IPMK: variants seen among roughly 807,000 people sequenced by gnomAD.
The protein encoded by IPMK is inositol 1,3,4,6-tetrakisphosphate 5-kinase.
Under a neutral mutation model 45.8 loss-of-function variants are expected in IPMK, and 17 were observed. That is an observed-to-expected ratio of 0.37 (90% CI 0.25 to 0.56). The LOEUF (loss-of-function observed/expected upper bound fraction) is 0.56, where lower values mean the gene tolerates loss of function less well. Ranked by LOEUF, IPMK falls within the 20% of genes least tolerant of loss-of-function variation. IPMK has a pLI of 0.79. For missense variants in IPMK, 399 were observed against 498.0 expected (o/e 0.80, Z 1.89); for synonymous variants, 180 against 184.3 (o/e 0.98, Z 0.19).
rs907949538 is a variant in IPMK, at chr10:58,216,252, T to C, written c.439A>G (p.Ile147Val). ...FNKPCIMDVK[I>V]GQKSYDPFAS... ...AAAGGATCATAGCTTTTTTGCCCTATCTTTACATCCATTATACAGGGCTTA... is the reference window on the plus strand; with the variant it reads ...AAAGGATCATAGCTTTTTTGCCCTACCTTTACATCCATTATACAGGGCTTA... The change falls in exon 4 of 6, where the codon ATA becomes GTA. Residue 147 changes from isoleucine (I) to valine (V), a missense_variant. This residue lies in a region of IPMK where 288 missense variants were observed against 398.0 expected (regional missense o/e 0.72). Transcript: ENST00000373935. 1 of 1,610,396 alleles carries C rather than the reference T, an allele frequency of 6.2e-7. No individual in the cohort carries two copies. The highest frequency in any genetic ancestry group is 2.2e-5 in the East Asian group (1 of 44,698).
intron 1 of IPMK, among the ~76,000 whole-genome samples, chr10:58,261,269 GT>G (rs1839062188): frequency 2.0e-5 from 3 of 150,910 alleles, no homozygotes; most frequent in African/African-American, 7.3e-5. Context: ...ATTTAATTCT[GT>G]AAAAAGAAAC....
Position 58,267,615 on chromosome 10 carries a change from G to A in IPMK, c.-4C>T, listed in dbSNP as rs766775547. On this transcript the variant is annotated 5_prime_UTR_variant, in exon 1 of 6. Transcript: ENST00000373935. ...GGGATGGTGGCTCTGTTGCCATAAC[G>A]GAGAGCAGAAGCGGTAACGGCAGCG... 6.9e-6 allele frequency: 11 copies of A among 1,587,624 alleles called. No individual in the cohort carries two copies. In the Admixed American group the frequency reaches 1.9e-4, roughly 28 times the overall value.
chr10:58,224,300 A>G (rs1433035593), intron 3 of IPMK, among the ~76,000 whole-genome samples: 1 of 152,214 alleles, frequency 6.6e-6, no homozygotes, highest in Non-Finnish European at 1.5e-5. Context: ...ATACTTTTCT[A>G]TCCCTCCAAA....
At chr10:58,233,782 C>T (rs1838564209) in intron 2 of IPMK, among the ~76,000 whole-genome samples, 1 of 152,164 alleles carries the variant, frequency 6.6e-6, no homozygotes, top group Non-Finnish European at 1.5e-5. Context: ...CCTCTCTCAC[C>T]ACTCAATTCA....
Position 58,239,080 on chromosome 10 carries a change from T to C in IPMK, c.191-1266A>G, listed in dbSNP as rs562687041. Among the ~76,000 whole-genome samples the C allele has an allele frequency of 2.0e-5, 3 of 152,234 alleles. No individual in the cohort carries two copies. In the East Asian group the frequency reaches 5.8e-4, roughly 29 times the overall value. ...GGGAAGATGGCTTGAGCCCAGGAGT[T>C]TGAGGCTGCAATTAGCTATGATCAG... On this transcript the variant is annotated intron_variant, in intron 1 of 5. Transcript: ENST00000373935.
At chr10:58,206,322 C>T (rs377480166) in intron 4 of IPMK, among the ~76,000 whole-genome samples, 36 of 152,236 alleles carry the variant, frequency 2.4e-4, no homozygotes, top group African/African-American at 7.2e-4. Context: ...TTGGTAGGGA[C>T]TGCTAATGTG....
Position 58,267,758 on chromosome 10 carries a change from G to C in IPMK, c.-147C>G. ...GCTGGTGCCCTCTGAAGCGCGGGGAGGGGGCCCATGACGCCGCCGGGGCGC... is the reference window on the plus strand; with the variant it reads ...GCTGGTGCCCTCTGAAGCGCGGGGACGGGGCCCATGACGCCGCCGGGGCGC... On this transcript the variant is annotated 5_prime_UTR_variant, in exon 1 of 6. Transcript: ENST00000373935. 1.7e-6 allele frequency: 1 copy of C among 577,426 alleles called. No individual in the cohort carries two copies. The highest frequency in any genetic ancestry group is 2.1e-5 in the South Asian group (1 of 47,362). 35.8% of individuals were successfully genotyped at this position (577,426 alleles called of 1,614,324 possible).
intron 3 of IPMK, among the ~76,000 whole-genome samples, chr10:58,217,436 C>A (rs1028360829): frequency 2.6e-5 from 4 of 151,600 alleles, no homozygotes; most frequent in African/African-American, 9.7e-5. Flanking sequence ...CGCCTGTAAT[C>A]CCAGCACTTT....
intron 1 of IPMK, among the ~76,000 whole-genome samples, chr10:58,252,705 C>T (rs370085947): frequency 1.5e-4 from 22 of 150,862 alleles, no homozygotes; most frequent in African/African-American, 2.7e-4. Context: ...CTCCACCTTC[C>T]GGGTTCAAGT....
rs1383866650 is a variant in IPMK at position 58,192,058 on chromosome 10, AAAT to A, written c.*4015_*4017del. Reference sequence around the variant, plus strand: ...CCTATAGTGACTTGTTTACTTGCATAAATAATATTTTCACTTAGTACAGGCTAT... The same window carrying A: ...CCTATAGTGACTTGTTTACTTGCATAAATATTTTCACTTAGTACAGGCTAT... On this transcript the variant is annotated 3_prime_UTR_variant, in exon 6 of 6. Coordinates refer to ENST00000373935, the MANE Select transcript of IPMK (RefSeq NM_152230.5). 5.3e-5 allele frequency: 8 copies of A among 152,086 alleles called. No homozygotes were observed. The highest frequency in any genetic ancestry group is 1.9e-4 in the African/African-American group (8 of 41,464). The allele number at this position is 152,086 out of a possible 1,614,324, so 9.4% of individuals were successfully genotyped here.
At chr10:58,258,250 C>T (rs1159451705) in intron 1 of IPMK, among the ~76,000 whole-genome samples, 1 of 152,142 alleles carries the variant, frequency 6.6e-6, no homozygotes, top group Non-Finnish European at 1.5e-5. Flanking sequence ...GTGGAGGTTG[C>T]AGTGAGCCAA....
In IPMK at chr10:58,221,363, A is replaced by T. The variant is rs1564531802; in HGVS notation, c.374-5046T>A. Among the ~76,000 whole-genome samples the T allele has an allele frequency of 2.0e-5, 3 of 146,704 alleles. No homozygotes were observed. In the South Asian group the frequency reaches 6.4e-4, roughly 31 times the overall value. On this transcript the variant is annotated intron_variant, in intron 3 of 5. Transcript: ENST00000373935. ...CATCATCCATAAGCTCAGCTTGCCT[A>T]TTTTTTTTTTTTTAAATTCTGAAGA...
intron 3 of IPMK, among the ~76,000 whole-genome samples, chr10:58,218,680 A>G (rs955776698): frequency 5.9e-5 from 9 of 152,218 alleles, no homozygotes; most frequent in African/African-American, 1.2e-4. Context: ...CACAGCATCT[A>G]TATCTCACTG....
chr10:58,215,064 C>T (rs900862100), intron 4 of IPMK, among the ~76,000 whole-genome samples: 1 of 134,534 alleles, frequency 7.4e-6, no homozygotes, highest in African/African-American at 3.4e-5. Flanking sequence ...TATATTCCTC[C>T]TTCTTAGAAT....
intron 1 of IPMK, among the ~76,000 whole-genome samples, chr10:58,255,962 T>A (rs754812433): frequency 6.6e-6 from 1 of 152,246 alleles, no homozygotes; most frequent in Non-Finnish European, 1.5e-5. Flanking sequence ...AATATTCTTA[T>A]AATTTCCTAT....
At chr10:58,261,399 T>C (rs1029291904) in intron 1 of IPMK, among the ~76,000 whole-genome samples, 3 of 151,944 alleles carry the variant, frequency 2.0e-5, no homozygotes, top group African/African-American at 7.3e-5. Context: ...TAAAGTTTTG[T>C]TTTTTGGAAG....
intron 1 of IPMK, among the ~76,000 whole-genome samples, chr10:58,257,525 A>C (rs1396524573): frequency 6.6e-6 from 1 of 152,122 alleles, no homozygotes; most frequent in Non-Finnish European, 1.5e-5. Context: ...AAAATAAAAT[A>C]ATAAGATAAA....
chr10:58,246,959 A>G (rs1838810752), intron 1 of IPMK, among the ~76,000 whole-genome samples: 1 of 150,490 alleles, frequency 6.6e-6, no homozygotes, highest in Non-Finnish European at 1.5e-5. Flanking sequence ...AATTTACAAG[A>G]AAAAAACAAA....
chr10:58,208,826 G>T (rs1042905345), intron 4 of IPMK, among the ~76,000 whole-genome samples: 18 of 152,312 alleles, frequency 1.2e-4, no homozygotes, highest in Non-Finnish European at 2.5e-4. Flanking sequence ...TCCCTGCATA[G>T]GCAGCAGATG....
Sources: gnomAD v4.1 joint callset for allele counts (sites outside exome capture counted in the v4.1 genomes callset) on GRCh38, gnomAD v4.1.1 for gene constraint, gnomAD v4.1.1 regional missense constraint, MANE v1.5 for transcripts, NCBI Gene and HGNC (gene_info 2026-07-23, HGNC 2026-07-21) for gene names.